Variants in AUTS2 observed in about 807,000 individuals in gnomAD.
AUTS2 encodes activator of transcription and developmental regulator AUTS2.
A neutral mutation model predicts 112.4 loss-of-function variants in AUTS2; 17 were observed. The observed-to-expected ratio is 0.15, with a 90% CI of 0.10 to 0.23. The LOEUF is 0.23. AUTS2 is among the 10% of genes least tolerant of loss of function. The pLI is 1.00. For synonymous variants in AUTS2, 751 were observed against 702.7 expected (o/e 1.07, Z -1.09); for missense variants, 1,510 against 1,701.6 (o/e 0.89, Z 1.98).
At chr7:70,441,164 C>G (rs917915882) in intron 5 of AUTS2, among the ~76,000 whole-genome samples, 2 of 152,134 alleles carry the variant, frequency 1.3e-5, no homozygotes, top group Non-Finnish European at 2.9e-5. Context: ...GAATCCTTCT[C>G]CTTTTCCTAT....
At chr7:69,679,949 T>C (rs1041493970) in intron 1 of AUTS2, among the ~76,000 whole-genome samples, 1 of 152,208 alleles carries the variant, frequency 6.6e-6, no homozygotes, top group African/African-American at 2.4e-5. Context: ...TTTCTTCCTT[T>C]AAAAAAACTT....
intron 1 of AUTS2, among the ~76,000 whole-genome samples, chr7:69,779,516 C>T (rs576352631): frequency 2.0e-5 from 3 of 152,156 alleles, no homozygotes; most frequent in South Asian, 4.2e-4. Context: ...GTAATCCCAG[C>T]ACTTTGGAAG....
chr7:69,720,821 A>G (rs554505334), intron 1 of AUTS2, among the ~76,000 whole-genome samples: 1 of 152,172 alleles, frequency 6.6e-6, no homozygotes, highest in African/African-American at 2.4e-5. Context: ...ATTTACTAGG[A>G]TCTCTTGGGA....
At chr7:70,754,836 G>T (rs1393018990) in intron 6 of AUTS2, among the ~76,000 whole-genome samples, 1 of 151,464 alleles carries the variant, frequency 6.6e-6, no homozygotes, top group African/African-American at 2.4e-5. Context: ...TGTTCTAGGA[G>T]CTAGTGCCCC....
intron 5 of AUTS2, among the ~76,000 whole-genome samples, chr7:70,519,012 G>A (rs762355960): frequency 4.6e-5 from 7 of 152,080 alleles, no homozygotes; most frequent in Admixed American, 3.3e-4. Flanking sequence ...CCAATAATAT[G>A]TACCTCTTTT....
At chr7:70,739,483 T>G (rs532009114) in intron 6 of AUTS2, among the ~76,000 whole-genome samples, 3 of 126,432 alleles carry the variant, frequency 2.4e-5, no homozygotes, top group African/African-American at 1.0e-4. Context: ...CCCAGTCACA[T>G]TTTTTATCTG....
At chr7:70,362,473 A>G (rs1354486217) in intron 4 of AUTS2, among the ~76,000 whole-genome samples, 1 of 152,122 alleles carries the variant, frequency 6.6e-6, no homozygotes, top group African/African-American at 2.4e-5. Context: ...TGGTTTTCAA[A>G]TGTTTCTTCC....
intron 5 of AUTS2, among the ~76,000 whole-genome samples, chr7:70,647,163 T>C (rs1806214810): frequency 6.6e-6 from 1 of 152,222 alleles, no homozygotes; most frequent in South Asian, 2.1e-4. Flanking sequence ...CTGGTCCCCC[T>C]GAGCTGATAT....
intron 2 of AUTS2, among the ~76,000 whole-genome samples, chr7:69,940,949 G>T (rs562463293): frequency 6.6e-6 from 1 of 152,322 alleles, no homozygotes; most frequent in Admixed American, 6.5e-5. Flanking sequence ...CAAATTATCT[G>T]CAGTGGAGCT....
intron 1 of AUTS2, among the ~76,000 whole-genome samples, chr7:69,831,269 T>C (rs906767605): frequency 2.6e-5 from 4 of 152,196 alleles, no homozygotes; most frequent in Non-Finnish European, 2.9e-5. Context: ...CTGTGAGTTA[T>C]CTACCCTGAC....
intron 4 of AUTS2, among the ~76,000 whole-genome samples, chr7:70,228,415 A>T (rs1811880867): frequency 6.6e-6 from 1 of 151,482 alleles, no homozygotes; most frequent in African/African-American, 2.4e-5. Flanking sequence ...AAATTTATTT[A>T]TAGTTAATAT....
intron 1 of AUTS2, among the ~76,000 whole-genome samples, chr7:69,805,982 C>G (rs1790284298): frequency 6.6e-6 from 1 of 151,790 alleles, no homozygotes; most frequent in African/African-American, 2.4e-5. Context: ...CAACTACATC[C>G]TCAAACTCCT....
intron 5 of AUTS2, among the ~76,000 whole-genome samples, chr7:70,602,182 A>C (rs13234288): frequency 0.011 from 1,601 of 145,200 alleles, 58 homozygotes; most frequent in East Asian, 0.097. Context: ...CTTTGCCATC[A>C]TCCTCTCACA....
intron 5 of AUTS2, among the ~76,000 whole-genome samples, chr7:70,526,536 G>A (rs1048559617): frequency 6.6e-6 from 1 of 152,206 alleles, no homozygotes; most frequent in African/African-American, 2.4e-5. Flanking sequence ...GCCAGGCGTG[G>A]TGGCACATGC....
At chr7:70,643,048 C>T (rs932765173) in intron 5 of AUTS2, among the ~76,000 whole-genome samples, 1 of 152,208 alleles carries the variant, frequency 6.6e-6, no homozygotes, top group Non-Finnish European at 1.5e-5. Flanking sequence ...TTGTGATATT[C>T]CCGTCTCCTC....
chr7:69,837,797 C>T (rs970236912), intron 1 of AUTS2, among the ~76,000 whole-genome samples: 1 of 152,200 alleles, frequency 6.6e-6, no homozygotes, highest in Non-Finnish European at 1.5e-5. Flanking sequence ...CACTGAGCCT[C>T]TTATTAATAA....
intron 1 of AUTS2, among the ~76,000 whole-genome samples, chr7:69,871,583 C>G (rs748001822): frequency 6.6e-6 from 1 of 152,150 alleles, no homozygotes; most frequent in African/African-American, 2.4e-5. Flanking sequence ...GTACTAAAAG[C>G]TATGTGAATG....
At chr7:70,351,069 T>C (rs974577018) in intron 4 of AUTS2, among the ~76,000 whole-genome samples, 1 of 143,954 alleles carries the variant, frequency 6.9e-6, no homozygotes, top group African/African-American at 2.6e-5. Flanking sequence ...TTTTTTTTTT[T>C]AGATGGAGTC....
chr7:70,495,791 C>T (rs1323275312), intron 5 of AUTS2, among the ~76,000 whole-genome samples: 2 of 140,884 alleles, frequency 1.4e-5, no homozygotes, highest in Non-Finnish European at 3.1e-5. Flanking sequence ...CACACACACA[C>T]ACCCCACACA....
Sources: gnomAD v4.1 joint callset for allele counts (sites outside exome capture counted in the v4.1 genomes callset) on GRCh38, gnomAD v4.1.1 for gene constraint, MANE v1.5 for transcripts, NCBI Gene and HGNC (gene_info 2026-07-23, HGNC 2026-07-21) for gene names.